Variants in SDK1 observed in about 807,000 individuals in gnomAD.
The protein encoded by SDK1 is sidekick cell adhesion molecule 1, also known as protein sidekick-1.
A neutral mutation model predicts 245.5 loss-of-function variants in SDK1; 157 were observed. The observed-to-expected ratio is 0.64, with a 90% CI of 0.56 to 0.73. The LOEUF (loss-of-function observed/expected upper bound fraction) is 0.73. Ranked by LOEUF, SDK1 falls within the 30% of genes least tolerant of loss-of-function variation. The pLI is 0.00. For synonymous variants in SDK1, 1,647 were observed against 1,278.5 expected (o/e 1.29, Z -6.15); for missense variants, 3,583 against 3,002.3 (o/e 1.19, Z -4.52).
intron 28 of SDK1, among the ~76,000 whole-genome samples, chr7:4,136,273 C>G (rs552688876): frequency 5.9e-5 from 9 of 152,256 alleles, no homozygotes; most frequent in Non-Finnish European, 1.0e-4. Flanking sequence ...GCCGGCACAC[C>G]ACACGGCGGA....
intron 38 of SDK1, among the ~76,000 whole-genome samples, chr7:4,217,794 T>G (rs915792704): frequency 1.3e-5 from 2 of 151,968 alleles, no homozygotes; most frequent in African/African-American, 2.4e-5. Context: ...AAAAATTGAT[T>G]AAATAAATAA....
intron 4 of SDK1, among the ~76,000 whole-genome samples, chr7:3,809,945 C>G (rs1482245855): frequency 6.6e-6 from 1 of 152,244 alleles, no homozygotes; most frequent in Non-Finnish European, 1.5e-5. Context: ...CAACGCTTCT[C>G]TGCAGAGGCT....
At chr7:3,639,170 A>T (rs573720472) in intron 3 of SDK1, 60 bp downstream of exon 3, 1 of 907,978 alleles carries the variant, frequency 1.1e-6, no homozygotes. Context: ...TGGGGAGTCA[A>T]TCAGAATCAC....
At chr7:3,878,715 T>C (rs1387024085) in intron 5 of SDK1, among the ~76,000 whole-genome samples, 1 of 152,188 alleles carries the variant, frequency 6.6e-6, no homozygotes, top group Non-Finnish European at 1.5e-5. Context: ...AAGAGTCTCC[T>C]CTGTTTCTGT....
At chr7:3,539,914 G>A (rs1239419012) in intron 1 of SDK1, among the ~76,000 whole-genome samples, 1 of 151,422 alleles carries the variant, frequency 6.6e-6, no homozygotes, top group Non-Finnish European at 1.5e-5. Flanking sequence ...CTCATCTGAT[G>A]GGAGCTGTTG....
intron 19 of SDK1, among the ~76,000 whole-genome samples, chr7:4,057,938 G>A (rs1779301607): frequency 6.6e-6 from 1 of 152,234 alleles, no homozygotes; most frequent in Non-Finnish European, 1.5e-5. Flanking sequence ...CAAAAAATTA[G>A]AAGAAGCAAC....
intron 5 of SDK1, among the ~76,000 whole-genome samples, chr7:3,933,285 A>G (rs1780045187): frequency 6.6e-6 from 1 of 151,982 alleles, no homozygotes; most frequent in Non-Finnish European, 1.5e-5. Flanking sequence ...TAATTTAAAA[A>G]AAATGTTTCT....
chr7:3,938,413 C>G (rs148741546), intron 5 of SDK1, among the ~76,000 whole-genome samples: 8 of 152,068 alleles, frequency 5.3e-5, no homozygotes, highest in Middle Eastern at 3.4e-3. Context: ...GAGGCCGAGG[C>G]GGGAGGATCA....
At chr7:3,853,368 G>A (rs562254002) in intron 5 of SDK1, among the ~76,000 whole-genome samples, 1 of 152,178 alleles carries the variant, frequency 6.6e-6, no homozygotes, top group South Asian at 2.1e-4. Flanking sequence ...TGTCCTCAAG[G>A]ATGTCACAAT....
intron 1 of SDK1, among the ~76,000 whole-genome samples, chr7:3,557,155 T>C (rs551488809): frequency 6.6e-6 from 1 of 151,992 alleles, no homozygotes; most frequent in East Asian, 1.9e-4. Context: ...AAAAAATCAA[T>C]GTATCAAAAA....
intron 17 of SDK1, among the ~76,000 whole-genome samples, chr7:4,022,497 G>A (rs913319966): frequency 2.0e-5 from 3 of 152,192 alleles, no homozygotes; most frequent in African/African-American, 7.2e-5. Flanking sequence ...CCGTCTCAAA[G>A]AGAACTCAGC....
rs899623513 is a variant in SDK1 at position 4,030,679 on chromosome 7, T to C, written c.2602+13327T>C. Reference sequence around the variant, plus strand: ...CAACATTCAGGTGATTTTAATTTCATATAACAAAACCATGATGCTGAATGG... The same window carrying C: ...CAACATTCAGGTGATTTTAATTTCACATAACAAAACCATGATGCTGAATGG... On this transcript the variant is annotated intron_variant, in intron 17 of 44. Coordinates refer to ENST00000404826, the MANE Select transcript of SDK1 (RefSeq NM_152744.4). 3.9e-5 allele frequency among the ~76,000 whole-genome samples: 6 copies of C among 152,232 alleles called. 1 individual carries two copies. Among genetic ancestry groups the C allele is most frequent in the Admixed American group, 2.0e-4 (3 of 15,284 alleles).
chr7:4,196,035 G>A (rs1783557613), intron 35 of SDK1, among the ~76,000 whole-genome samples: 1 of 152,182 alleles, frequency 6.6e-6, no homozygotes, highest in African/African-American at 2.4e-5. Flanking sequence ...GTCCCTCAAA[G>A]CTTACCACCC....
chr7:4,052,665 G>A (rs961874821), intron 19 of SDK1, among the ~76,000 whole-genome samples: 3 of 152,100 alleles, frequency 2.0e-5, no homozygotes, highest in Admixed American at 6.5e-5. Context: ...GAAGAAATAC[G>A]TCACACAAAT....
At chr7:3,306,695 A>T (rs1180293190) in intron 1 of SDK1, among the ~76,000 whole-genome samples, 3 of 152,150 alleles carry the variant, frequency 2.0e-5, no homozygotes, top group Admixed American at 6.5e-5. Context: ...GTGTAGTTTA[A>T]TTCTCCCTAC....
At chr7:3,574,415 T>C (rs1487051920) in intron 1 of SDK1, among the ~76,000 whole-genome samples, 5 of 152,002 alleles carry the variant, frequency 3.3e-5, no homozygotes, top group Non-Finnish European at 7.4e-5. Flanking sequence ...CGTGCCCGGC[T>C]CACATACCTC....
chr7:4,180,645 C>T (rs1043029831), intron 35 of SDK1, among the ~76,000 whole-genome samples: 2 of 152,244 alleles, frequency 1.3e-5, no homozygotes, highest in African/African-American at 4.8e-5. Flanking sequence ...AAGACGTTTA[C>T]TTGGCTCACA....
At position 4,145,931 on chromosome 7, in the gene SDK1, G is replaced by T; in HGVS notation, c.4423+15G>T. ...CGAGAAGAGAGGTAAGACCTTGGGG[G>T]ACCCGGGGGTACTGCAGATGTTGTG... is the stretch of plus-strand genomic sequence containing the variant. On this transcript the variant is annotated intron_variant, in intron 29 of 44. Transcript: ENST00000404826. 6.3e-7 allele frequency: 1 copy of T among 1,585,684 alleles called. No individual in the cohort carries two copies. The highest frequency in any genetic ancestry group is 1.1e-5 in the South Asian group (1 of 87,162).
intron 4 of SDK1, among the ~76,000 whole-genome samples, chr7:3,679,424 G>C (rs890166493): frequency 4.6e-5 from 7 of 152,252 alleles, no homozygotes; most frequent in Non-Finnish European, 1.0e-4. Context: ...AAAATTAGCC[G>C]GGCGCGGTGG....
Sources: allele counts gnomAD v4.1 joint callset (sites outside exome capture counted in the v4.1 genomes callset), GRCh38; gene constraint gnomAD v4.1.1; transcripts MANE v1.5; gene names NCBI Gene and HGNC (gene_info 2026-07-23, HGNC 2026-07-21).